The following KCNIP3 variants were observed in gnomAD, a reference collection of about 807,000 sequenced individuals.
KCNIP3 encodes potassium voltage-gated channel interacting protein 3.
KCNIP3 carries 28 observed loss-of-function variants against 35.0 expected under a neutral mutation model. The ratio of observed to expected loss-of-function variants is 0.80; its 90% CI spans 0.59 to 1.10. KCNIP3 has a LOEUF of 1.10. Ranked by LOEUF, KCNIP3 falls within the 50% of genes least tolerant of loss-of-function variation. The probability of loss-of-function intolerance (pLI) is 0.00; values close to 1 mark genes in which losing one functional copy is unlikely to be tolerated. For synonymous variants in KCNIP3, 134 were observed against 133.8 expected (o/e 1.00, Z -0.01); for missense variants, 295 against 338.4 (o/e 0.87, Z 1.01).
intron 5 of KCNIP3, among the ~76,000 whole-genome samples, chr2:95,379,430 C>A (rs1384975775): frequency 6.6e-6 from 1 of 150,666 alleles, no homozygotes; most frequent in Admixed American, 6.6e-5. Flanking sequence ...GGCCCCCCCA[C>A]CAGCCTCCCA....
intron 2 of KCNIP3, chr2:95,311,293 A>G (rs527911050): frequency 6.5e-6 from 1 of 153,192 alleles, no homozygotes; most frequent in African/African-American, 2.4e-5. Flanking sequence ...ACACACTTGC[A>G]TACTCACATA....
rs1003891942 is a variant in KCNIP3, at chr2:95,343,025, G to A, written c.182-31271G>A. 3.9e-5 allele frequency among the ~76,000 whole-genome samples: 6 copies of A among 152,140 alleles called. 1 individual carries two copies. The highest frequency in any genetic ancestry group is 1.4e-4 in the African/African-American group (6 of 41,446). On this transcript the variant is annotated intron_variant, in intron 2 of 8. Transcript: ENST00000295225. ...ATCATGCTGGTTGCTGAACCGAGAA[G>A]AGGTAGGAGGAGAACCACAGTGGAG...
chr2:95,344,528 G>A (rs986766687), intron 2 of KCNIP3, among the ~76,000 whole-genome samples: 1 of 152,246 alleles, frequency 6.6e-6, no homozygotes, highest in African/African-American at 2.4e-5. Flanking sequence ...TCGATGTCTT[G>A]TTTATAGCTC....
At chr2:95,346,822 G>T (rs1223847919) in intron 2 of KCNIP3, 1 of 206,904 alleles carries the variant, frequency 4.8e-6, no homozygotes, top group Non-Finnish European at 9.4e-6. Flanking sequence ...TCCAGCCTCC[G>T]GCCTGACCCG....
chr2:95,326,100 CA>C (rs1558764058), intron 2 of KCNIP3, among the ~76,000 whole-genome samples: 39 of 9,342 alleles, frequency 4.2e-3, no homozygotes, highest in Middle Eastern at 0.029. Flanking sequence ...CACATACACA[CA>C]TATACACATA....
At chr2:95,346,986 CCGGGCCCCAG>C (rs1203946635) in intron 2 of KCNIP3, 1 of 1,537,882 alleles carries the variant, frequency 6.5e-7, no homozygotes, top group African/African-American at 1.4e-5. Context: ...AGGGGTGCGC[CCGGGCCCCAG>C]GGCCCCAGGC....
chr2:95,312,529 G>A, intron 2 of KCNIP3: 1 of 152,444 alleles, frequency 6.6e-6, no homozygotes, highest in East Asian at 1.9e-4. Flanking sequence ...GGCTGGGCCA[G>A]GGCACCAGCG....
intron 2 of KCNIP3, among the ~76,000 whole-genome samples, chr2:95,324,237 C>T (rs1043286588): frequency 5.3e-5 from 8 of 152,236 alleles, no homozygotes; most frequent in African/African-American, 1.4e-4. Context: ...GAGGGCCGGG[C>T]GCGGTGGCTC....
rs1055028957 is a variant in KCNIP3, at chr2:95,385,594, C to T, written c.*1545C>T. On this transcript the variant is annotated 3_prime_UTR_variant, in exon 9 of 9. Transcript: ENST00000295225. Reference sequence around the variant, plus strand: ...TGGCCCGGGGAGTCCCCGTGTGCCCCAAGAGGCTAGCCCCAGGGTGAGCAG... The same window carrying T: ...TGGCCCGGGGAGTCCCCGTGTGCCCTAAGAGGCTAGCCCCAGGGTGAGCAG... The T allele has an allele frequency of 1.0e-4, 16 of 152,932 alleles. No individual in the cohort carries two copies. The highest frequency in any genetic ancestry group is 3.9e-4 in the Admixed American group (6 of 15,290). 9.5% of individuals were successfully genotyped at this position (152,932 alleles called of 1,614,324 possible). A position where few individuals can be genotyped will look rare whatever the true frequency, so the allele number is the denominator to read the frequency against.
At chr2:95,359,792 C>T (rs967414287) in intron 2 of KCNIP3, among the ~76,000 whole-genome samples, 1 of 152,262 alleles carries the variant, frequency 6.6e-6, no homozygotes, top group Non-Finnish European at 1.5e-5. Flanking sequence ...TGCTTGCCCT[C>T]TGGAGCCGTG....
chr2:95,305,484 C>T (rs1488880703), intron 1 of KCNIP3, among the ~76,000 whole-genome samples: 1 of 152,176 alleles, frequency 6.6e-6, no homozygotes, highest in South Asian at 2.1e-4. Context: ...CCCACCAGTC[C>T]TAGTCCGATT....
intron 2 of KCNIP3, among the ~76,000 whole-genome samples, chr2:95,349,662 C>T (rs1465924416): frequency 6.6e-6 from 1 of 152,194 alleles, no homozygotes; most frequent in East Asian, 1.9e-4. Flanking sequence ...CAGTGGGCAG[C>T]AGGGCATGGG....
chr2:95,320,448 G>A (rs1341463496), intron 2 of KCNIP3, among the ~76,000 whole-genome samples: 2 of 152,036 alleles, frequency 1.3e-5, no homozygotes, highest in Admixed American at 6.5e-5. Context: ...GGCGGGTCCC[G>A]GGTCTCTATG....
intron 2 of KCNIP3, among the ~76,000 whole-genome samples, chr2:95,329,689 A>G (rs1678878731): frequency 6.6e-6 from 1 of 152,176 alleles, no homozygotes; most frequent in African/African-American, 2.4e-5. Flanking sequence ...GGCTGGCCTG[A>G]CGGGGGTCTG....
At position 95,375,131 on chromosome 2, in the gene KCNIP3, T is replaced by G; in HGVS notation, c.377-7T>G. On this transcript the variant is annotated splice_polypyrimidine_tract_variant and splice_region_variant and intron_variant, in intron 4 of 8. Transcript: ENST00000295225. ...ACACACCCCAGCCTCTTCCTTGCCC[T>G]CCCCAGATGCCACCACCTATGCACA... The G allele has an allele frequency of 6.2e-7, 1 of 1,613,976 alleles. No homozygotes were observed. Among genetic ancestry groups the G allele is most frequent in the Non-Finnish European group, 8.5e-7 (1 of 1,179,882 alleles).
At chr2:95,355,913 A>G (rs1679646940) in intron 2 of KCNIP3, among the ~76,000 whole-genome samples, 1 of 152,194 alleles carries the variant, frequency 6.6e-6, no homozygotes, top group Non-Finnish European at 1.5e-5. Flanking sequence ...TCCCTGAGGA[A>G]TCACCACACT....
chr2:95,334,261 G>A (rs1033123790), intron 2 of KCNIP3, among the ~76,000 whole-genome samples: 5 of 152,232 alleles, frequency 3.3e-5, no homozygotes, highest in South Asian at 2.1e-4. Context: ...CTGGCGGGGG[G>A]GTTAGAATAG....
chr2:95,364,108 T>C (rs1461251690), intron 2 of KCNIP3, among the ~76,000 whole-genome samples: 1 of 152,256 alleles, frequency 6.6e-6, no homozygotes, highest in Non-Finnish European at 1.5e-5. Flanking sequence ...TCTAAGCTTT[T>C]GCCATTAAAT....
chr2:95,373,572 G>C (rs933936631), intron 2 of KCNIP3, among the ~76,000 whole-genome samples: 2 of 151,938 alleles, frequency 1.3e-5, no homozygotes, highest in African/African-American at 4.8e-5. Flanking sequence ...ACAGGCGCCC[G>C]CCACCATGCC....
Sources: gnomAD v4.1 joint callset for allele counts (sites outside exome capture counted in the v4.1 genomes callset) on GRCh38, gnomAD v4.1.1 for gene constraint, MANE v1.5 for transcripts, NCBI Gene and HGNC (gene_info 2026-07-23, HGNC 2026-07-21) for gene names.